The following SLC1A2 variants were observed in gnomAD, a reference collection of about 807,000 sequenced individuals.
SLC1A2 encodes the protein excitatory amino acid transporter 2.
SLC1A2 carries 15 observed loss-of-function variants against 48.8 expected under a neutral mutation model. That is an observed-to-expected ratio of 0.31 (90% CI 0.21 to 0.47). The LOEUF (loss-of-function observed/expected upper bound fraction) is 0.47. Among genes scored for constraint, SLC1A2 ranks in the 20% least tolerant of loss-of-function variants. The probability of loss-of-function intolerance (pLI) is 0.99; values close to 1 mark genes in which losing one functional copy is unlikely to be tolerated. For missense variants in SLC1A2, 502 were observed against 730.5 expected, an observed-to-expected ratio of 0.69 and a Z score of 3.61; for synonymous variants, 279 against 272.6, an observed-to-expected ratio of 1.02 and a Z score of -0.23.
chr11:35,380,381 C>T (rs914998145), intron 1 of SLC1A2: 8 of 398,468 alleles, frequency 2.0e-5, no homozygotes, highest in African/African-American at 4.1e-5. Context: ...GAGCACTAAC[C>T]TTCTCCAAAT....
At chr11:35,266,546 C>T (rs1271904275) in intron 9 of SLC1A2, among the ~76,000 whole-genome samples, 1 of 152,196 alleles carries the variant, frequency 6.6e-6, no homozygotes, top group Non-Finnish European at 1.5e-5. Flanking sequence ...TGATAACTCT[C>T]TTAGAAATTC....
intron 1 of SLC1A2, among the ~76,000 whole-genome samples, chr11:35,325,733 C>G (rs536673926): frequency 4.3e-4 from 66 of 152,094 alleles, no homozygotes; most frequent in African/African-American, 1.5e-3. Flanking sequence ...GAGGCTGAGG[C>G]GGGTAGATTG....
chr11:35,286,603 T>A, intron 8 of SLC1A2, 154 bp downstream of exon 8: 1 of 528,440 alleles, frequency 1.9e-6, no homozygotes, highest in Non-Finnish European at 3.4e-6. Flanking sequence ...TCACAATCTT[T>A]TCCTTTTGAA....
intron 1 of SLC1A2, among the ~76,000 whole-genome samples, chr11:35,319,602 T>C (rs1851995151): frequency 6.6e-6 from 1 of 152,204 alleles, no homozygotes; most frequent in East Asian, 1.9e-4. Flanking sequence ...CCATATGATG[T>C]AATGGAAGCG....
intron 1 of SLC1A2, among the ~76,000 whole-genome samples, chr11:35,377,663 A>C (rs2135190222): frequency 6.6e-6 from 1 of 152,314 alleles, no homozygotes; most frequent in Non-Finnish European, 1.5e-5. Context: ...AAAAATCATC[A>C]AGTAGATACC....
chr11:35,311,799 T>C (rs1443254366), intron 4 of SLC1A2, among the ~76,000 whole-genome samples: 2 of 150,506 alleles, frequency 1.3e-5, no homozygotes. Context: ...CTAATAAAAA[T>C]ATGCCCATGG....
intron 7 of SLC1A2, among the ~76,000 whole-genome samples, chr11:35,289,733 T>C (rs1850936566): frequency 6.6e-6 from 1 of 152,176 alleles, no homozygotes; most frequent in Admixed American, 6.5e-5. Context: ...CTAAGCAAAA[T>C]CTAAATTCTA....
intron 1 of SLC1A2, among the ~76,000 whole-genome samples, chr11:35,406,746 G>GA (rs529223818): frequency 1.3e-5 from 2 of 150,570 alleles, no homozygotes; most frequent in East Asian, 1.9e-4. Flanking sequence ...AGTTTGTAGG[G>GA]AAAAAAAAAT....
At chr11:35,389,449 TCTC>T (rs763213182) in intron 1 of SLC1A2, among the ~76,000 whole-genome samples, 5 of 150,508 alleles carry the variant, frequency 3.3e-5, no homozygotes, top group Non-Finnish European at 7.4e-5. Flanking sequence ...TTCTTCTCCT[TCTC>T]CTTCTTCTTC....
chr11:35,294,102 T>C (rs1336308042), intron 6 of SLC1A2, among the ~76,000 whole-genome samples: 9 of 152,208 alleles, frequency 5.9e-5, no homozygotes, highest in Admixed American at 2.6e-4. Context: ...ATGTACCCCA[T>C]GTCCTCTCAT....
chr11:35,299,951 T>A (rs527653482), intron 6 of SLC1A2, among the ~76,000 whole-genome samples: 2 of 152,292 alleles, frequency 1.3e-5, no homozygotes, highest in Admixed American at 1.3e-4. Context: ...TTTATTTTTT[T>A]CTAGGCAGAC....
At chr11:35,314,504 G>A (rs1162616999) in intron 3 of SLC1A2, among the ~76,000 whole-genome samples, 2 of 152,152 alleles carry the variant, frequency 1.3e-5, no homozygotes. Flanking sequence ...CATGAGGTCA[G>A]GAGTTCGAGA....
chr11:35,339,390 T>C (rs1475241375), intron 1 of SLC1A2, among the ~76,000 whole-genome samples: 2 of 152,210 alleles, frequency 1.3e-5, no homozygotes, highest in African/African-American at 2.4e-5. Context: ...GGGCATCTTC[T>C]TATACTCTGC....
chr11:35,295,186 T>C (rs1395730560), intron 6 of SLC1A2, among the ~76,000 whole-genome samples: 1 of 152,148 alleles, frequency 6.6e-6, no homozygotes, highest in East Asian at 1.9e-4. Context: ...TAGCTAAGAC[T>C]ACAGGTGTTT....
chr11:35,337,839 C>A (rs1413673200), intron 1 of SLC1A2, among the ~76,000 whole-genome samples: 1 of 152,086 alleles, frequency 6.6e-6, no homozygotes, highest in African/African-American at 2.4e-5. Context: ...GAAGCTCCAC[C>A]AACAGTTTAG....
intron 5 of SLC1A2, 100 bp from the exon 6 acceptor site, chr11:35,301,745 C>T: frequency 9.4e-7 from 1 of 1,064,598 alleles, no homozygotes. Context: ...CATGTTCTCA[C>T]TGCTGGTTAC....
intron 7 of SLC1A2, among the ~76,000 whole-genome samples, chr11:35,287,580 G>A (rs1850868144): frequency 6.6e-6 from 1 of 152,150 alleles, no homozygotes; most frequent in South Asian, 2.1e-4. Context: ...CAATTCTACA[G>A]TCACTTCAAT....
intron 1 of SLC1A2, among the ~76,000 whole-genome samples, chr11:35,350,346 C>T (rs1375751929): frequency 6.6e-6 from 1 of 152,128 alleles, no homozygotes; most frequent in African/African-American, 2.4e-5. Flanking sequence ...AAGATGGTGT[C>T]AAAATTTATT....
Position 35,292,294 on chromosome 11 carries a change from C to A in SLC1A2, c.1084G>T (p.Ala362Ser), listed in dbSNP as rs773804611. 5 of 1,609,558 alleles carry A rather than the reference C, an allele frequency of 3.1e-6. No homozygotes were observed. The South Asian group carries it at 4.4e-5, about 14-fold the overall frequency. The change falls in exon 7 of 11, where the codon GCT becomes TCT. Residue 362 changes from alanine (A) to serine (S), a missense_variant. Physicochemically the swap from Ala to Ser is moderately conservative, Grantham distance 99. Around this residue, in one of 4 missense-constraint regions of SLC1A2, gnomAD observed 309 missense variants for 480.3 expected, o/e 0.64. Coordinates refer to ENST00000278379, the MANE Select transcript of SLC1A2 (RefSeq NM_004171.4). The part of the protein sequence containing the change: ...FQAWITALGT[A>S]SSAGTLPVTF... ...ATTTCTTTTGTTCTCTACCTGGAAG[C>A]GGTGCCCAGGGCAGTGATCCAAGCT... is the stretch of plus-strand genomic sequence containing the variant.
Sources: allele counts gnomAD v4.1 joint callset (sites outside exome capture counted in the v4.1 genomes callset), GRCh38; gene constraint gnomAD v4.1.1; regional missense constraint gnomAD v4.1.1; transcripts MANE v1.5; gene names NCBI Gene and HGNC (gene_info 2026-07-23, HGNC 2026-07-21).